Variants in PLB1 observed in about 807,000 individuals in gnomAD.
PLB1 encodes the protein phospholipase B1, membrane-associated.
PLB1 carries 242 observed loss-of-function variants against 227.4 expected under a neutral mutation model. The ratio of observed to expected loss-of-function variants is 1.06; its 90% confidence interval spans 0.96 to 1.18. The LOEUF is 1.18. Among genes scored for constraint, PLB1 ranks in the 50% most tolerant of loss-of-function variants. The pLI is 0.00. For synonymous variants in PLB1, 757 were observed against 682.2 expected, an observed-to-expected ratio of 1.11 and a Z score of -1.71; for missense variants, 1,858 against 1,816.3, an observed-to-expected ratio of 1.02 and a Z score of -0.42.
At chr2:28,536,216 C>G (rs1010020771) in intron 9 of PLB1, among the ~76,000 whole-genome samples, 1 of 152,172 alleles carries the variant, frequency 6.6e-6, no homozygotes, top group African/African-American at 2.4e-5. Context: ...TTAGGAGTTT[C>G]TTATGACCAA....
intron 17 of PLB1, among the ~76,000 whole-genome samples, chr2:28,559,464 A>G (rs1186096593): frequency 6.6e-6 from 1 of 152,234 alleles, no homozygotes; most frequent in Non-Finnish European, 1.5e-5. Context: ...AGAGGCAAGA[A>G]CTTTTACTTT....
rs758243945 is a variant in PLB1 at position 28,602,891 on chromosome 2, AC to A, written c.2747del (p.Pro916GlnfsTer17). On this transcript the variant is annotated frameshift_variant, in exon 39 of 58. Transcript: ENST00000327757. LOFTEE classifies it high-confidence loss of function. ...PTIMRQVFLG[N>X]PDKCPVQQAS... ...ATCATGCGGCAGGTGTTCCTGGGAA[AC>A]CCAGACAAGTGCCCAGTGCAGCAGG... 9 of 1,613,986 alleles carry A rather than the reference AC, an allele frequency of 5.6e-6. No homozygotes were observed. The highest frequency in any genetic ancestry group is 7.6e-6 in the Non-Finnish European group (9 of 1,180,006).
intron 25 of PLB1, among the ~76,000 whole-genome samples, chr2:28,585,353 G>A (rs1390118304): frequency 6.6e-6 from 1 of 151,540 alleles, no homozygotes; most frequent in Non-Finnish European, 1.5e-5. Context: ...TCGGCTCACT[G>A]CAACCTCCGC....
chr2:28,539,793 G>C (rs1010057863), intron 11 of PLB1, among the ~76,000 whole-genome samples: 11 of 151,978 alleles, frequency 7.2e-5, no homozygotes, highest in African/African-American at 2.7e-4. Flanking sequence ...AATGGGATGT[G>C]GGTGTCTGGT....
chr2:28,604,884 C>A, intron 41 of PLB1, 125 bp downstream of exon 41: 1 of 850,480 alleles, frequency 1.2e-6, no homozygotes, highest in Non-Finnish European at 1.8e-6. Context: ...GCTGTGCTGG[C>A]AGGTGCAGGC....
At chr2:28,587,636 C>T (rs958232511) in intron 26 of PLB1, among the ~76,000 whole-genome samples, 7 of 151,818 alleles carry the variant, frequency 4.6e-5, no homozygotes, top group African/African-American at 1.7e-4. Flanking sequence ...AATCAGGCCA[C>T]AGACCTGGTC....
At position 28,552,967 on chromosome 2, in the gene PLB1, C is replaced by T; in HGVS notation, c.1123C>T (p.Pro375Ser). The change falls in exon 17 of 58, where the codon CCC becomes TCC. Residue 375 changes from proline to serine, a missense_variant. Coordinates refer to ENST00000327757, the MANE Select transcript of PLB1 (RefSeq NM_153021.5). ...GAEIRCPDKD[P>S]SDTVPTSVHR... ...GGAAATCAGATGTCCTGACAAAGAC[C>T]CCTCCGATACGGTTCCCACCTCAGG... 6.2e-7 allele frequency: 1 copy of T among 1,613,880 alleles called. No homozygotes were observed. Among genetic ancestry groups the T allele is most frequent in the East Asian group, 2.2e-5 (1 of 44,882 alleles).
intron 49 of PLB1, among the ~76,000 whole-genome samples, chr2:28,622,258 TCATTCGTGTCTA>T (rs1299344550): frequency 1.3e-5 from 2 of 152,222 alleles, no homozygotes; most frequent in East Asian, 3.8e-4. Context: ...TGGGATCAGA[TCATTCGTGTCTA>T]CATTCCAGCT....
chr2:28,618,873 A>G (rs1381557899), intron 46 of PLB1, among the ~76,000 whole-genome samples: 2 of 152,280 alleles, frequency 1.3e-5, no homozygotes, highest in East Asian at 1.9e-4. Context: ...GTGTTCGCCA[A>G]TTACTTAGCC....
chr2:28,530,477 A>G (rs140872446), intron 8 of PLB1, among the ~76,000 whole-genome samples: 5 of 152,356 alleles, frequency 3.3e-5, no homozygotes, highest in Non-Finnish European at 5.9e-5. Context: ...AGGCTTTTAT[A>G]TTATTGTAGT....
In PLB1 at chr2:28,620,635, C is replaced by T. The variant is rs1381915512; in HGVS notation, c.3419C>T (p.Thr1140Ile). 1 of 1,613,874 alleles carries T rather than the reference C, an allele frequency of 6.2e-7. No individual in the cohort carries two copies. The highest frequency in any genetic ancestry group is 1.3e-5 in the African/African-American group (1 of 74,916). Residue 1140 changes from threonine to isoleucine, a missense_variant, in exon 48 of 58, where the codon ACA (threonine) becomes ATA (isoleucine). By Grantham distance (89) the Thr-to-Ile change is moderately conservative. Coordinates refer to ENST00000327757, the MANE Select transcript of PLB1 (RefSeq NM_153021.5). ...GGDGNLETHT[T>I]LPNILKKFNP... ...GATGGGAACTTGGAGACTCACACCA[C>T]ACTGCCCAGTAAGTAGCAGCCCAGA...
chr2:28,607,312 G>C (rs562448528), intron 43 of PLB1, among the ~76,000 whole-genome samples: 1 of 152,086 alleles, frequency 6.6e-6, no homozygotes, highest in African/African-American at 2.4e-5. Flanking sequence ...CTCCTAGGTC[G>C]GCCACACCAC....
intron 49 of PLB1, among the ~76,000 whole-genome samples, chr2:28,624,674 G>A (rs1687492352): frequency 6.6e-6 from 1 of 152,248 alleles, no homozygotes; most frequent in Non-Finnish European, 1.5e-5. Flanking sequence ...GGAGAAAACT[G>A]AGGGATAATT....
chr2:28,506,481 G>A (rs1667648694), intron 1 of PLB1, among the ~76,000 whole-genome samples: 1 of 152,140 alleles, frequency 6.6e-6, no homozygotes, highest in Admixed American at 6.5e-5. Flanking sequence ...AGGGGTTAAG[G>A]TAGGACAATT....
intron 1 of PLB1, among the ~76,000 whole-genome samples, chr2:28,514,192 A>T (rs1265583881): frequency 6.6e-6 from 1 of 152,192 alleles, no homozygotes; most frequent in Non-Finnish European, 1.5e-5. Context: ...ATTTGTTGAA[A>T]AGACTGTCTC....
intron 33 of PLB1, among the ~76,000 whole-genome samples, chr2:28,596,860 A>G (rs991798854): frequency 6.6e-6 from 1 of 152,252 alleles, no homozygotes; most frequent in Non-Finnish European, 1.5e-5. Flanking sequence ...CTGGCATGCA[A>G]TAGTCCACTT....
intron 33 of PLB1, among the ~76,000 whole-genome samples, chr2:28,597,263 C>T (rs1378811119): frequency 2.9e-5 from 3 of 103,638 alleles, no homozygotes; most frequent in East Asian, 2.3e-4. Flanking sequence ...GACTCCGTCT[C>T]GAAAAAAAAA....
chr2:28,578,087 C>T lies in PLB1; in HGVS notation c.1434-20C>T. 6.2e-7 allele frequency: 1 copy of T among 1,613,552 alleles called. No individual in the cohort carries two copies. Among genetic ancestry groups the T allele is most frequent in the Non-Finnish European group, 8.5e-7 (1 of 1,179,490 alleles). On this transcript the variant is annotated intron_variant, in intron 21 of 57. Transcript: ENST00000327757. ...CCAGTCCCCACTCCTCACAGCACTTCCTCTGGTATGTTTCCACAGGGATCT... is the reference window on the plus strand; with the variant it reads ...CCAGTCCCCACTCCTCACAGCACTTTCTCTGGTATGTTTCCACAGGGATCT...
chr2:28,590,315 G>C (rs895085667), intron 29 of PLB1, among the ~76,000 whole-genome samples: 2 of 152,154 alleles, frequency 1.3e-5, no homozygotes, highest in Non-Finnish European at 2.9e-5. Context: ...CATGTCTGGG[G>C]TGGAGACAAC....
Sources: gnomAD v4.1 joint callset for allele counts (sites outside exome capture counted in the v4.1 genomes callset) on GRCh38, gnomAD v4.1.1 for gene constraint, MANE v1.5 for transcripts, NCBI Gene and HGNC (gene_info 2026-07-23, HGNC 2026-07-21) for gene names.